Variants in PCDHGA3 observed in about 807,000 individuals in gnomAD.
PCDHGA3 encodes protocadherin gamma subfamily A, 3.
A neutral mutation model predicts 58.5 loss-of-function variants in PCDHGA3; 40 were observed. The ratio of observed to expected loss-of-function variants is 0.68; its 90% confidence interval spans 0.53 to 0.89. The LOEUF (loss-of-function observed/expected upper bound fraction) is 0.89, where lower values mean the gene tolerates loss of function less well. PCDHGA3 is among the 40% of genes least tolerant of loss of function. PCDHGA3 has a pLI of 0.00. For missense variants in PCDHGA3, 1,223 were observed against 1,195.9 expected (o/e 1.02, Z -0.33); for synonymous variants, 530 against 525.7 (o/e 1.01, Z -0.11).
intron 1 of PCDHGA3, among the ~76,000 whole-genome samples, chr5:141,407,761 G>T (rs938743690): frequency 6.6e-6 from 1 of 152,132 alleles, no homozygotes; most frequent in Non-Finnish European, 1.5e-5. Context: ...GTATAAGTTT[G>T]AAATTGTGCA....
intron 1 of PCDHGA3, chr5:141,372,469 T>C (rs772203261): frequency 6.2e-7 from 1 of 1,614,020 alleles, no homozygotes; most frequent in Non-Finnish European, 8.5e-7. Context: ...CAGTTTCACC[T>C]AGTAGTGGCG....
rs561648427 is a variant in PCDHGA3, at chr5:141,379,679, T to G, written c.2424+33222T>G. The stretch of plus-strand genomic sequence containing the variant: ...TACTCTCACAAAAGTCATTCACTCA[T>G]GTGGACTGACCAACTGTTAAACATC... On this transcript the variant is annotated intron_variant, in intron 1 of 3. Coordinates refer to ENST00000253812, the MANE Select transcript of PCDHGA3 (RefSeq NM_018916.4). 2.0e-5 allele frequency: 3 copies of G among 152,260 alleles called. No individual in the cohort carries two copies. The South Asian group carries it at 6.2e-4, about 32-fold the overall frequency. The allele number at this position is 152,260 out of a possible 1,614,324, so 9.4% of individuals were successfully genotyped here. A position where few individuals can be genotyped will look rare whatever the true frequency, so the allele number is the denominator to read the frequency against.
chr5:141,431,450 A>T lies in PCDHGA3; in HGVS notation c.2425-63357A>T, dbSNP rs1468567743. 1 of 1,613,740 alleles carries T rather than the reference A, an allele frequency of 6.2e-7. No homozygotes were observed. Among genetic ancestry groups the T allele is most frequent in the Admixed American group, 1.7e-5 (1 of 60,032 alleles). ...CACAGGCACCGCGCGCATCCGCGTG[A>T]TGGTTCTGGATGCGAACGACAACGC... On this transcript the variant is annotated intron_variant, in intron 1 of 3. Transcript: ENST00000253812. This position sits in a 1 kb window ranked among gnomAD's most constrained non-coding sequence, Gnocchi z 4.8.
chr5:141,399,252 TG>T, intron 1 of PCDHGA3: 1 of 1,613,778 alleles, frequency 6.2e-7, no homozygotes, highest in Non-Finnish European at 8.5e-7. Context: ...CTGGGGAAAA[TG>T]GGGAGGTTAA....
Position 141,422,740 on chromosome 5 carries a change from T to C in PCDHGA3, c.2425-72067T>C, listed in dbSNP as rs536737009. The C allele has an allele frequency of 2.7e-5, 43 of 1,609,962 alleles. 1 individual carries two copies. In the South Asian group the frequency reaches 4.8e-4, roughly 18 times the overall value. On this transcript the variant is annotated intron_variant, in intron 1 of 3. Transcript: ENST00000253812. ...TGTCCAGGGGGTGCCTCTGTCCTCC[T>C]ATGTCTCTATTAACTCCAACACTGG... is the stretch of plus-strand genomic sequence containing the variant.
intron 1 of PCDHGA3, chr5:141,383,173 C>A (rs1481900327): frequency 1.2e-6 from 2 of 1,614,064 alleles, no homozygotes; most frequent in South Asian, 1.1e-5. Context: ...CAGGATAGAC[C>A]GGGAAGAGAT....
chr5:141,370,949 C>T (rs1317760178), intron 1 of PCDHGA3: 2 of 1,613,980 alleles, frequency 1.2e-6, no homozygotes, highest in Non-Finnish European at 8.5e-7. Flanking sequence ...AGAAGGAGAA[C>T]CTGGATGGCA....
chr5:141,487,123 T>C lies in PCDHGA3; in HGVS notation c.2425-7684T>C. 6.2e-7 allele frequency: 1 copy of C among 1,614,086 alleles called. No homozygotes were observed. The highest frequency in any genetic ancestry group is 1.1e-5 in the South Asian group (1 of 91,082). On this transcript the variant is annotated intron_variant, in intron 1 of 3. Coordinates refer to ENST00000253812, the MANE Select transcript of PCDHGA3 (RefSeq NM_018916.4). The surrounding 1 kb of genome is among the most constrained non-coding windows in gnomAD (Gnocchi z 5.0). ...AGCTGGTCATTGTGGTAAAGGATAG[T>C]GGTAGTCCACCACTCTCTACCTCTG...
intron 1 of PCDHGA3, chr5:141,421,903 G>A (rs757656265): frequency 6.2e-6 from 10 of 1,613,704 alleles, no homozygotes; most frequent in African/African-American, 1.3e-5. Flanking sequence ...CCGAAAGGGC[G>A]CAGTTCCCAT....
intron 1 of PCDHGA3, among the ~76,000 whole-genome samples, chr5:141,474,116 A>G (rs2099342954): frequency 1.3e-5 from 2 of 152,234 alleles, no homozygotes; most frequent in African/African-American, 4.8e-5. Flanking sequence ...AACAACAACG[A>G]AAATCTCAGA....
chr5:141,487,404 C>T lies in PCDHGA3; in HGVS notation c.2425-7403C>T, dbSNP rs771371344. ...AGATCTCGAAGGAGGGAGGGGCTTC[C>T]CCCTTCCAATGGGATCCTCCGAATC... On this transcript the variant is annotated intron_variant, in intron 1 of 3. Transcript: ENST00000253812. The surrounding 1 kb of genome is among the most constrained non-coding windows in gnomAD (Gnocchi z 5.0). 2 of 1,614,178 alleles carry T rather than the reference C, an allele frequency of 1.2e-6. No homozygotes were observed. Among genetic ancestry groups the T allele is most frequent in the Non-Finnish European group, 8.5e-7 (1 of 1,180,032 alleles).
chr5:141,395,124 C>T, intron 1 of PCDHGA3: 2 of 1,614,194 alleles, frequency 1.2e-6, no homozygotes, highest in Non-Finnish European at 1.7e-6. Context: ...CCTGATCTTT[C>T]CCCAGCCCAA....
chr5:141,427,381 T>G (rs1315804574), intron 1 of PCDHGA3: 1 of 458,822 alleles, frequency 2.2e-6, no homozygotes, highest in Middle Eastern at 3.2e-4. Context: ...GTGATCACTC[T>G]GTTCAAAACA....
intron 1 of PCDHGA3, chr5:141,409,546 C>A (rs775680397): frequency 6.2e-7 from 1 of 1,613,880 alleles, no homozygotes; most frequent in African/African-American, 1.3e-5. Flanking sequence ...TCAACGACAA[C>A]GCCCCAGTTT....
rs1247067983 is a variant in PCDHGA3, at chr5:141,511,327, C to T, written c.*154C>T. ...CCCTTGGGAAACAGAAACAAGTGCC[C>T]AGTCAGCACCTACCCCTTCCCCCCC... On this transcript the variant is annotated 3_prime_UTR_variant, in exon 4 of 4. Transcript: ENST00000253812. 28 of 1,455,454 alleles carry T rather than the reference C, an allele frequency of 1.9e-5. No individual in the cohort carries two copies. Among genetic ancestry groups the T allele is most frequent in the Admixed American group, 2.4e-5 (1 of 41,734 alleles). 90.2% of individuals were successfully genotyped at this position (1,455,454 alleles called of 1,614,324 possible). A position where few individuals can be genotyped will look rare whatever the true frequency, so the allele number is the denominator to read the frequency against.
intron 1 of PCDHGA3, among the ~76,000 whole-genome samples, chr5:141,480,272 G>T (rs903112862): frequency 7.2e-6 from 1 of 138,796 alleles, no homozygotes; most frequent in Non-Finnish European, 1.5e-5. Flanking sequence ...TTCATTAGCT[G>T]GGTGTGTTGG....
chr5:141,363,651 T>C (rs772337570), intron 1 of PCDHGA3, among the ~76,000 whole-genome samples: 15 of 152,250 alleles, frequency 9.9e-5, no homozygotes, highest in Non-Finnish European at 2.2e-4. Context: ...GTAACAAAGA[T>C]CTTTATTTCT....
rs1303066281 is a variant in PCDHGA3, at chr5:141,511,199, G to A, written c.*26G>A. The A allele has an allele frequency of 1.2e-6, 2 of 1,612,750 alleles. No homozygotes were observed. The highest frequency in any genetic ancestry group is 1.3e-5 in the African/African-American group (1 of 74,896). On this transcript the variant is annotated 3_prime_UTR_variant, in exon 4 of 4. Transcript: ENST00000253812. The stretch of plus-strand genomic sequence containing the variant: ...CATGGAGGCCAGGCCAAGAGCCACA[G>A]GGCGGCCTCTCCCCAACCAGCCCAG...
At chr5:141,352,804 A>C (rs913293903) in intron 1 of PCDHGA3, 1 of 887,046 alleles carries the variant, frequency 1.1e-6, no homozygotes, top group Non-Finnish European at 1.7e-6. Context: ...AGCATAGCCA[A>C]GATGGTAAAA....
Sources: gnomAD v4.1 joint callset for allele counts (sites outside exome capture counted in the v4.1 genomes callset) on GRCh38, gnomAD v4.1.1 for gene constraint, Gnocchi (gnomAD v3.1) non-coding constraint, MANE v1.5 for transcripts, NCBI Gene and HGNC (gene_info 2026-07-23, HGNC 2026-07-21) for gene names.